SYNRG: variants seen among roughly 807,000 people sequenced by gnomAD.
SYNRG encodes AP1 gamma subunit binding protein 1.
In SYNRG, 37 loss-of-function variants were observed where a neutral mutation model predicts 130.9. The ratio of observed to expected loss-of-function variants is 0.28; its 90% CI spans 0.22 to 0.37. The LOEUF (loss-of-function observed/expected upper bound fraction) is 0.37. SYNRG is among the 10% of genes least tolerant of loss of function. The pLI is 1.00. For missense variants in SYNRG, 1,338 were observed against 1,588.9 expected (o/e 0.84, Z 2.68); for synonymous variants, 539 against 568.1 (o/e 0.95, Z 0.73).
At chr17:37,602,291 C>G (rs920824285) in intron 1 of SYNRG, among the ~76,000 whole-genome samples, 5 of 150,714 alleles carry the variant, frequency 3.3e-5, no homozygotes, top group African/African-American at 7.3e-5. Flanking sequence ...GAGCCAAGAT[C>G]GCGCCATTGC....
Position 37,555,897 on chromosome 17 carries a change from T to G in SYNRG, c.1664-1838A>C, listed in dbSNP as rs59266495. Among the ~76,000 whole-genome samples the G allele has an allele frequency of 5.1e-3, 772 of 151,514 alleles. 11 individuals are homozygous for G. Among genetic ancestry groups the G allele is most frequent in the African/African-American group, 0.018 (747 of 41,284 alleles). On this transcript the variant is annotated intron_variant, in intron 13 of 21. Coordinates refer to ENST00000612223, the MANE Select transcript of SYNRG (RefSeq NM_007247.6). The stretch of plus-strand genomic sequence containing the variant: ...CTCCAGCCTGGGGGACAGAGAGAGA[T>G]TCTGTCTCAAAAATAAAAATAAAAA...
intron 1 of SYNRG, among the ~76,000 whole-genome samples, chr17:37,601,509 T>A (rs1174997507): frequency 6.6e-6 from 1 of 152,158 alleles, no homozygotes; most frequent in African/African-American, 2.4e-5. Flanking sequence ...ATGGCATAAT[T>A]AAGGACATTC....
At chr17:37,567,760 A>G (rs1330259294) in intron 11 of SYNRG, 2 of 152,244 alleles carry the variant, frequency 1.3e-5, no homozygotes, top group African/African-American at 4.8e-5. Flanking sequence ...CTAAAGGGGA[A>G]GAGATGAGCG....
chr17:37,582,880 A>G (rs1374428463), intron 6 of SYNRG, among the ~76,000 whole-genome samples: 1 of 152,182 alleles, frequency 6.6e-6, no homozygotes, highest in Non-Finnish European at 1.5e-5. Context: ...TGATCAATAT[A>G]GTTTGTATAT....
rs1415995180 is a variant in SYNRG at position 37,596,241 on chromosome 17, T to G, written c.222A>C (p.Gln74His). ...MGMNYSSQMS[Q>H]GPIAMQAGIP... ...CAAGTACCTGCATAGCAATAGGTCCTTGGGACATCTGAGAGCTGTAATTCA... is the reference window on the plus strand; with the variant it reads ...CAAGTACCTGCATAGCAATAGGTCCGTGGGACATCTGAGAGCTGTAATTCA... The change falls in exon 3 of 22, where the codon CAA becomes CAC. Residue 74 changes from glutamine to histidine, a missense_variant. Physicochemically the swap from Gln to His is conservative, Grantham distance 24. Around this residue, in one of 3 missense-constraint regions of SYNRG, gnomAD observed 184 missense variants for 217.2 expected, o/e 0.85. Coordinates refer to ENST00000612223, the MANE Select transcript of SYNRG (RefSeq NM_007247.6). 1.9e-6 allele frequency: 3 copies of G among 1,614,154 alleles called. No individual in the cohort carries two copies. In the Admixed American group the frequency reaches 5.0e-5, roughly 27 times the overall value.
chr17:37,529,057 C>T (rs898831530), intron 19 of SYNRG, among the ~76,000 whole-genome samples: 4 of 152,174 alleles, frequency 2.6e-5, no homozygotes. Flanking sequence ...ATAACCTTAC[C>T]TGGTGTCTTG....
At chr17:37,545,397 A>G (rs1375163138) in intron 14 of SYNRG, among the ~76,000 whole-genome samples, 2 of 152,168 alleles carry the variant, frequency 1.3e-5, no homozygotes, top group East Asian at 3.8e-4. Flanking sequence ...TCTGTCTCAA[A>G]AAAAGGAGAC....
At chr17:37,529,967 T>A in intron 19 of SYNRG, 1 of 907,908 alleles carries the variant, frequency 1.1e-6, no homozygotes, top group Non-Finnish European at 1.7e-6. Context: ...AATCTAAATG[T>A]AAAGAAGGAG....
rs906880812 is a variant in SYNRG at position 37,561,661 on chromosome 17, A to G, written c.1482-72T>C. On this transcript the variant is annotated intron_variant, in intron 11 of 21. Coordinates refer to ENST00000612223, the MANE Select transcript of SYNRG (RefSeq NM_007247.6). ...TATCATCTAAAAGGAAGTTAGAATT[A>G]AAATGGCAAACAGGTATTTCATTAA... 8 of 1,139,424 alleles carry G rather than the reference A, an allele frequency of 7.0e-6. No individual in the cohort carries two copies. In the Middle Eastern group the frequency reaches 5.8e-4, roughly 83 times the overall value. The allele number at this position is 1,139,424 out of a possible 1,614,324, so 70.6% of individuals were successfully genotyped here.
At chr17:37,579,871 C>G (rs2061151148) in intron 6 of SYNRG, among the ~76,000 whole-genome samples, 1 of 152,044 alleles carries the variant, frequency 6.6e-6, no homozygotes, top group Non-Finnish European at 1.5e-5. Flanking sequence ...CCAGCATACC[C>G]AGCTAATTCT....
chr17:37,570,079 A>T lies in SYNRG; in HGVS notation c.1347+558T>A, dbSNP rs549247358. Among the ~76,000 whole-genome samples the T allele has an allele frequency of 2.7e-5, 4 of 150,880 alleles. No individual in the cohort carries two copies. The South Asian group carries it at 8.4e-4, about 32-fold the overall frequency. ...TTGTATATCTTTGCTAATTCGAGTTACTATTCTTGGGATAGATTTCTAATA... is the reference window on the plus strand; with the variant it reads ...TTGTATATCTTTGCTAATTCGAGTTTCTATTCTTGGGATAGATTTCTAATA... On this transcript the variant is annotated intron_variant, in intron 10 of 21. Transcript: ENST00000612223.
chr17:37,532,780 C>G (rs566451973), intron 19 of SYNRG, among the ~76,000 whole-genome samples: 1 of 151,502 alleles, frequency 6.6e-6, no homozygotes, highest in East Asian at 1.9e-4. Flanking sequence ...AATCACTTCA[C>G]GTTTTTGCTC....
intron 8 of SYNRG, 44 bp from the exon 9 acceptor site, chr17:37,572,031 G>A (rs2060473258): frequency 1.3e-6 from 2 of 1,526,584 alleles, no homozygotes; most frequent in Admixed American, 1.9e-5. Context: ...CACATTCCAA[G>A]TGATTTATTT....
chr17:37,563,112 G>T (rs2059666770), intron 11 of SYNRG, among the ~76,000 whole-genome samples: 1 of 152,120 alleles, frequency 6.6e-6, no homozygotes, highest in Non-Finnish European at 1.5e-5. Context: ...TACTGCAAAT[G>T]AATATTTCAT....
chr17:37,579,028 G>C, intron 6 of SYNRG: 2 of 807,188 alleles, frequency 2.5e-6, no homozygotes, highest in Non-Finnish European at 3.1e-6. Flanking sequence ...ACATTTATGT[G>C]CATGTTTATT....
At chr17:37,538,548 ACAAT>A (rs1166820620) in intron 17 of SYNRG, 128 bp from the exon 18 acceptor site, 17 of 641,360 alleles carry the variant, frequency 2.7e-5, no homozygotes, top group Non-Finnish European at 4.1e-5. Flanking sequence ...CCTTGAAGAA[ACAAT>A]CCTCCATTTC....
At chr17:37,542,690 T>C in intron 14 of SYNRG, 125 bp from the exon 15 acceptor site, 3 of 708,178 alleles carry the variant, frequency 4.2e-6, no homozygotes, top group Non-Finnish European at 6.7e-6. Context: ...TAGCTAAATT[T>C]AGAGTTTGTA....
chr17:37,603,900 G>A (rs2063510188), intron 1 of SYNRG, among the ~76,000 whole-genome samples: 1 of 152,144 alleles, frequency 6.6e-6, no homozygotes, highest in African/African-American at 2.4e-5. Flanking sequence ...GCCAGACATT[G>A]ACTTCTCCTC....
intron 6 of SYNRG, among the ~76,000 whole-genome samples, chr17:37,578,858 C>T (rs994723422): frequency 6.6e-6 from 1 of 152,184 alleles, no homozygotes. Flanking sequence ...TCCCAAACAA[C>T]AATCTTCTGG....
Sources: gnomAD v4.1 joint callset for allele counts (sites outside exome capture counted in the v4.1 genomes callset) on GRCh38, gnomAD v4.1.1 for gene constraint, gnomAD v4.1.1 regional missense constraint, MANE v1.5 for transcripts, NCBI Gene and HGNC (gene_info 2026-07-23, HGNC 2026-07-21) for gene names.